CLASP1: variants seen among roughly 807,000 people sequenced by gnomAD.
CLASP1 encodes CLIP-associating protein 1.
Under a neutral mutation model 192.3 loss-of-function variants are expected in CLASP1, and 38 were observed. The observed-to-expected ratio is 0.20, with a 90% CI of 0.15 to 0.26. The LOEUF is 0.26. Among genes scored for constraint, CLASP1 ranks in the 10% least tolerant of loss-of-function variants. The pLI is 1.00. For synonymous variants in CLASP1, 691 were observed against 712.8 expected (o/e 0.97, Z 0.49); for missense variants, 1,433 against 1,932.5 (o/e 0.74, Z 4.85).
chr2:121,484,301 T>C (rs2092822846), intron 8 of CLASP1, among the ~76,000 whole-genome samples: 1 of 152,206 alleles, frequency 6.6e-6, no homozygotes. Context: ...CACTGAAGCC[T>C]GCTCACCACT....
chr2:121,598,008 A>G (rs563783319), intron 2 of CLASP1, among the ~76,000 whole-genome samples: 1 of 152,294 alleles, frequency 6.6e-6, no homozygotes, highest in East Asian at 1.9e-4. Flanking sequence ...ACCTATCCCC[A>G]CCACTTTTCC....
At chr2:121,384,723 A>G (rs1354679217) in intron 32 of CLASP1, among the ~76,000 whole-genome samples, 1 of 152,130 alleles carries the variant, frequency 6.6e-6, no homozygotes, top group Admixed American at 6.5e-5. Context: ...TCTACTAAAA[A>G]TACAAAAATT....
At position 121,569,010 on chromosome 2, in the gene CLASP1, G is replaced by A. The variant is rs186482585; in HGVS notation, c.195+36691C>T. On this transcript the variant is annotated intron_variant, in intron 2 of 39. Transcript: ENST00000263710. ...CTCTCAGGAAAGCCATGTGCCTTCC[G>A]GAGATATAAATGTTCAATCCCTCAT... Among the ~76,000 whole-genome samples the A allele has an allele frequency of 1.2e-4, 18 of 152,136 alleles. No individual in the cohort carries two copies. In the South Asian group the frequency reaches 1.9e-3, roughly 16 times the overall value.
At chr2:121,572,310 C>A (rs1188529249) in intron 2 of CLASP1, among the ~76,000 whole-genome samples, 2 of 152,130 alleles carry the variant, frequency 1.3e-5, no homozygotes, top group Non-Finnish European at 2.9e-5. Context: ...CACCTGTAGT[C>A]CCAGCTACTC....
chr2:121,486,516 A>G (rs906008110), intron 8 of CLASP1, among the ~76,000 whole-genome samples: 1 of 152,136 alleles, frequency 6.6e-6, no homozygotes, highest in African/African-American at 2.4e-5. Context: ...ACTTGCCCTG[A>G]AAGTTATAAA....
exon 38 of CLASP1, chr2:121,348,665 C>T (rs759712147): frequency 4.2e-5 from 68 of 1,613,682 alleles, no homozygotes; most frequent in Middle Eastern, 1.6e-4. Context: ...TGCACTGCTC[C>T]GGGTGGATGG....
chr2:121,478,624 CACACAT>C (rs1273424598), intron 8 of CLASP1, among the ~76,000 whole-genome samples: 1 of 135,184 alleles, frequency 7.4e-6, no homozygotes, highest in Non-Finnish European at 1.6e-5. Flanking sequence ...ACACCACACA[CACACAT>C]ACACACACAC....
chr2:121,503,013 A>G (rs972693289), intron 8 of CLASP1, among the ~76,000 whole-genome samples, 154 bp downstream of exon 8: 3 of 152,230 alleles, frequency 2.0e-5, no homozygotes, highest in African/African-American at 4.8e-5. Context: ...GATTCACTGC[A>G]TTGTTTCTGG....
At chr2:121,518,713 C>CAA (rs34927610) in intron 6 of CLASP1, among the ~76,000 whole-genome samples, 11 of 143,626 alleles carry the variant, frequency 7.7e-5, no homozygotes, top group South Asian at 4.4e-4. Flanking sequence ...ACTAAAAATA[C>CAA]AAAAAAAAAA....
chr2:121,502,465 G>C (rs1244628353), intron 8 of CLASP1, among the ~76,000 whole-genome samples: 1 of 152,184 alleles, frequency 6.6e-6, no homozygotes. Flanking sequence ...CTGTATGAGG[G>C]AGGAGGGATG....
At chr2:121,542,953 T>C (rs2095262791) in intron 2 of CLASP1, among the ~76,000 whole-genome samples, 1 of 152,210 alleles carries the variant, frequency 6.6e-6, no homozygotes, top group Non-Finnish European at 1.5e-5. Flanking sequence ...ACCAATCCAA[T>C]ACAGCTTTCA....
chr2:121,462,404 T>A lies in CLASP1; in HGVS notation c.939+128A>T, dbSNP rs115475659. ...AACATTTTCTGGTCTGCACCTCAGA[T>A]CTCCTGTAGTGCTGACAGTTAAAAT... On this transcript the variant is annotated intron_variant, in intron 10 of 39. Coordinates refer to ENST00000263710, the Ensembl canonical transcript of CLASP1. 2.7e-4 allele frequency: 152 copies of A among 555,804 alleles called. 2 individuals are homozygous for A. The highest frequency in any genetic ancestry group is 2.7e-3 in the African/African-American group (142 of 53,034). The allele number at this position is 555,804 out of a possible 1,614,324, so 34.4% of individuals were successfully genotyped here. A position where few individuals can be genotyped will look rare whatever the true frequency, so the allele number is the denominator to read the frequency against.
intron 2 of CLASP1, among the ~76,000 whole-genome samples, chr2:121,537,535 C>T (rs1161165206): frequency 4.6e-5 from 7 of 151,984 alleles, no homozygotes; most frequent in African/African-American, 1.7e-4. Context: ...AAAAAGAAAC[C>T]CAAACCTAGA....
At chr2:121,337,954 C>CCA (rs1491458978) in exon 40 of CLASP1, 102 of 114,364 alleles carry the variant, frequency 8.9e-4, no homozygotes, top group African/African-American at 3.1e-3. Flanking sequence ...CCCCCCCCCC[C>CCA]AAAAAAACCC....
intron 1 of CLASP1, among the ~76,000 whole-genome samples, chr2:121,610,488 G>C (rs1276089638): frequency 1.4e-5 from 2 of 148,118 alleles, no homozygotes; most frequent in Non-Finnish European, 3.0e-5. Context: ...AGAAGGAAGA[G>C]GAGCTGGAGG....
intron 19 of CLASP1, among the ~76,000 whole-genome samples, chr2:121,444,391 T>C (rs1559218287): frequency 6.6e-6 from 1 of 152,088 alleles, no homozygotes. Flanking sequence ...AAATAAAAAA[T>C]AGCATCATAT....
chr2:121,641,470 G>C (rs1299583151), intron 1 of CLASP1, among the ~76,000 whole-genome samples: 1 of 152,184 alleles, frequency 6.6e-6, no homozygotes, highest in Non-Finnish European at 1.5e-5. Flanking sequence ...ATCACATTCT[G>C]ATGTGGACAA....
rs1334724043 is a variant in CLASP1 at position 121,432,019 on chromosome 2, T to A, written c.1913-1842A>T. Among the ~76,000 whole-genome samples, 5 of 152,212 alleles carry A rather than the reference T, an allele frequency of 3.3e-5. No individual in the cohort carries two copies. The East Asian group carries it at 9.6e-4, about 29-fold the overall frequency. ...GATTGTTTATCAAGCAGCACTTATG[T>A]GTGTCTGGGTTTCTCAGCCTTCTAG... On this transcript the variant is annotated intron_variant, in intron 19 of 39. Coordinates refer to ENST00000263710, the Ensembl canonical transcript of CLASP1.
At chr2:121,404,266 C>A in intron 26 of CLASP1, 105 bp downstream of exon 27, 1 of 1,510,854 alleles carries the variant, frequency 6.6e-7, no homozygotes, top group South Asian at 1.3e-5. Flanking sequence ...TCTGTAAGGT[C>A]GGAACTGCAC....
Sources: allele counts gnomAD v4.1 joint callset (sites outside exome capture counted in the v4.1 genomes callset), GRCh38; gene constraint gnomAD v4.1.1; transcripts MANE v1.5; gene names NCBI Gene and HGNC (gene_info 2026-07-23, HGNC 2026-07-21).